Variants in MOXD1 observed in about 807,000 individuals in gnomAD.
MOXD1 encodes the protein monooxygenase DBH like 1.
A neutral mutation model predicts 66.6 loss-of-function variants in MOXD1; 62 were observed. That is an observed-to-expected ratio of 0.93 (90% CI 0.76 to 1.15). MOXD1 has a LOEUF of 1.15. MOXD1 is among the 50% of genes most tolerant of loss of function. The pLI is 0.00. For missense variants in MOXD1, 847 were observed against 754.6 expected (o/e 1.12, Z -1.44); for synonymous variants, 303 against 281.9 (o/e 1.07, Z -0.75).
chr6:132,388,081 A>T (rs368498706), intron 1 of MOXD1, among the ~76,000 whole-genome samples: 5 of 151,496 alleles, frequency 3.3e-5, no homozygotes, highest in African/African-American at 1.2e-4. Flanking sequence ...TCCCACCTAT[A>T]TATTTAGTGG....
In MOXD1 at chr6:132,297,766, CAG is replaced by C. The variant is rs772326977; in HGVS notation, c.1677+19_1677+20del. ...AGATAAAATGTGTCATCTGGGTTGTCAGAGGTTAAAAAGAGCTTACCGACCAC... is the reference window on the plus strand; with the variant it reads ...AGATAAAATGTGTCATCTGGGTTGTCAGGTTAAAAAGAGCTTACCGACCAC... On this transcript the variant is annotated intron_variant, in intron 11 of 11. Transcript: ENST00000367963. 6.4e-7 allele frequency: 1 copy of C among 1,570,252 alleles called. No homozygotes were observed. Among genetic ancestry groups the C allele is most frequent in the South Asian group, 1.2e-5 (1 of 83,104 alleles).
At chr6:132,303,513 A>G (rs1774594474) in intron 10 of MOXD1, among the ~76,000 whole-genome samples, 2 of 151,944 alleles carry the variant, frequency 1.3e-5, no homozygotes, top group African/African-American at 4.8e-5. Context: ...GATTACTTAT[A>G]ATACCTAATA....
At chr6:132,326,792 TA>T (rs1188672103) in intron 6 of MOXD1, among the ~76,000 whole-genome samples, 3 of 152,110 alleles carry the variant, frequency 2.0e-5, no homozygotes, top group Non-Finnish European at 2.9e-5. Context: ...TACTTTAGGG[TA>T]AAAAAAGATA....
intron 10 of MOXD1, among the ~76,000 whole-genome samples, chr6:132,306,207 C>T (rs1443570512): frequency 6.6e-6 from 1 of 151,952 alleles, no homozygotes; most frequent in African/African-American, 2.4e-5. Flanking sequence ...ACGAGAATTT[C>T]ATGAAGCATA....
chr6:132,392,064 C>A, intron 1 of MOXD1: 1 of 975,732 alleles, frequency 1.0e-6, no homozygotes, highest in Non-Finnish European at 1.5e-6. Context: ...CAGGGTTGCA[C>A]ACTCTCTTCA....
intron 10 of MOXD1, among the ~76,000 whole-genome samples, 162 bp downstream of exon 10, chr6:132,315,473 A>G (rs76610298): frequency 2.2e-4 from 34 of 152,340 alleles, no homozygotes; most frequent in African/African-American, 7.9e-4. Flanking sequence ...GACTCTGGAC[A>G]TAGTAATCAA....
intron 1 of MOXD1, among the ~76,000 whole-genome samples, chr6:132,381,680 A>G (rs1476925136): frequency 2.0e-5 from 3 of 152,186 alleles, no homozygotes; most frequent in Admixed American, 1.3e-4. Flanking sequence ...GATAAATGTT[A>G]TTCAAGTGGA....
chr6:132,302,651 G>A (rs187082995), intron 10 of MOXD1, among the ~76,000 whole-genome samples: 13 of 152,172 alleles, frequency 8.5e-5, no homozygotes, highest in Non-Finnish European at 1.8e-4. Context: ...TAGAAATTCA[G>A]TATAATCCCA....
At chr6:132,383,453 A>C (rs1048503722) in intron 1 of MOXD1, among the ~76,000 whole-genome samples, 2 of 152,202 alleles carry the variant, frequency 1.3e-5, no homozygotes, top group African/African-American at 4.8e-5. Flanking sequence ...AATACCTACT[A>C]AAATGCCAAA....
chr6:132,328,138 G>A, intron 5 of MOXD1, 23 bp from the exon 6 acceptor site: 1 of 1,586,406 alleles, frequency 6.3e-7, no homozygotes, highest in South Asian at 1.1e-5. Flanking sequence ...AATGCCATGA[G>A]ACAATGTCCT....
intron 1 of MOXD1, chr6:132,391,628 A>G (rs1422008278): frequency 2.0e-5 from 3 of 151,948 alleles, no homozygotes; most frequent in Admixed American, 6.6e-5. Flanking sequence ...AAACATGACA[A>G]TGTGTAATGA....
chr6:132,320,555 C>T, intron 9 of MOXD1, 74 bp downstream of exon 9: 1 of 1,294,592 alleles, frequency 7.7e-7, no homozygotes, highest in Non-Finnish European at 1.1e-6. Context: ...ATGGTTTTTA[C>T]CTTTTTCTTC....
intron 1 of MOXD1, among the ~76,000 whole-genome samples, chr6:132,397,612 CAGAGAGAGAG>C (rs58540885): frequency 4.2e-4 from 57 of 137,276 alleles, no homozygotes; most frequent in Middle Eastern, 7.1e-3. Context: ...CACACACTCA[CAGAGAGAGAG>C]AGAGAGAGAG....
In MOXD1 at chr6:132,401,450, G is replaced by A. The variant is rs1488041382; in HGVS notation, c.-24C>T. ...ATCCTCGGGCGCCTCCTGCCCGCCG[G>A]TACCGGCCTCCAGCCGCTGGGGAGT... On this transcript the variant is annotated 5_prime_UTR_variant, in exon 1 of 12. Coordinates refer to ENST00000367963, the MANE Select transcript of MOXD1 (RefSeq NM_015529.4). 1.4e-6 allele frequency: 2 copies of A among 1,467,784 alleles called. No homozygotes were observed. The highest frequency in any genetic ancestry group is 2.3e-5 in the Admixed American group (1 of 43,296). 90.9% of individuals were successfully genotyped at this position (1,467,784 alleles called of 1,614,324 possible).
intron 1 of MOXD1, among the ~76,000 whole-genome samples, chr6:132,397,600 C>A (rs1475874242): frequency 6.9e-6 from 1 of 144,160 alleles, no homozygotes; most frequent in African/African-American, 2.8e-5. Context: ...TAAACACACA[C>A]ACACACACTC....
intron 1 of MOXD1, among the ~76,000 whole-genome samples, chr6:132,396,799 T>C (rs944595733): frequency 1.3e-5 from 2 of 152,158 alleles, no homozygotes; most frequent in Non-Finnish European, 2.9e-5. Flanking sequence ...CCTTGACTCA[T>C]ACAACCTACC....
intron 1 of MOXD1, chr6:132,390,639 C>A (rs1582611837): frequency 6.6e-6 from 1 of 151,556 alleles, no homozygotes; most frequent in African/African-American, 2.4e-5. Flanking sequence ...TTCCAACATT[C>A]TGAGTACTTT....
At chr6:132,381,483 C>T (rs763140383) in intron 1 of MOXD1, among the ~76,000 whole-genome samples, 1 of 151,618 alleles carries the variant, frequency 6.6e-6, no homozygotes, top group East Asian at 1.9e-4. Context: ...TCCTAAACTT[C>T]ATAGCATTCA....
intron 1 of MOXD1, among the ~76,000 whole-genome samples, chr6:132,389,134 C>A (rs1293406836): frequency 1.3e-5 from 2 of 151,136 alleles, no homozygotes; most frequent in Non-Finnish European, 3.0e-5. Flanking sequence ...AAACTCCTGG[C>A]TTCAAGTGAT....
Sources: gnomAD v4.1 joint callset for allele counts (sites outside exome capture counted in the v4.1 genomes callset) on GRCh38, gnomAD v4.1.1 for gene constraint, MANE v1.5 for transcripts, NCBI Gene and HGNC (gene_info 2026-07-23, HGNC 2026-07-21) for gene names.